Variants in FAM120C observed in about 807,000 individuals in gnomAD.
FAM120C encodes the protein family with sequence similarity 120 member C.
FAM120C carries 14 observed loss-of-function variants against 71.2 expected under a neutral mutation model. That is an observed-to-expected ratio of 0.20 (90% confidence interval 0.13 to 0.31). FAM120C has a LOEUF of 0.31. Among genes scored for constraint, FAM120C ranks in the 10% least tolerant of loss-of-function variants. The pLI, the probability that FAM120C is intolerant of heterozygous loss-of-function variation, is 1.00. For missense variants in FAM120C, 500 were observed against 879.0 expected, an observed-to-expected ratio of 0.57 and a Z score of 5.45; for synonymous variants, 354 against 353.2, an observed-to-expected ratio of 1.00 and a Z score of -0.03.
chrX:54,135,269 C>A (rs1326601505), intron 6 of FAM120C, among the ~76,000 whole-genome samples, 158 bp from the exon 7 acceptor site: 1 of 111,887 alleles, frequency 8.9e-6, no homozygotes, highest in Non-Finnish European at 1.9e-5. Flanking sequence ...TGAACAGAAT[C>A]CTCCACAGAC....
chrX:54,100,062 T>C (rs187405733), intron 10 of FAM120C, among the ~76,000 whole-genome samples: 22 of 112,324 alleles, frequency 2.0e-4, no homozygotes, highest in African/African-American at 6.5e-4. Flanking sequence ...ACAAGTTATC[T>C]ACTTCCAAGA....
intron 12 of FAM120C, among the ~76,000 whole-genome samples, chrX:54,086,533 C>T (rs1198580608): frequency 1.8e-5 from 2 of 111,028 alleles, no homozygotes; most frequent in Admixed American, 1.9e-4. Context: ...GCAGGTGGAT[C>T]ACCTGAGGTC....
intron 9 of FAM120C, among the ~76,000 whole-genome samples, chrX:54,127,232 C>T (rs1723594628): frequency 9.0e-6 from 1 of 110,899 alleles, no homozygotes; most frequent in Non-Finnish European, 1.9e-5. Context: ...AACACTCAAT[C>T]CATAACATAT....
chrX:54,107,232 G>A (rs1199305180), intron 10 of FAM120C, among the ~76,000 whole-genome samples: 1 of 109,321 alleles, frequency 9.1e-6, no homozygotes, highest in Non-Finnish European at 1.9e-5. Flanking sequence ...AAATAGCTGG[G>A]ACTAGAGGCG....
intron 10 of FAM120C, among the ~76,000 whole-genome samples, chrX:54,096,452 A>G (rs2146570838): frequency 8.9e-6 from 1 of 111,890 alleles, no homozygotes; most frequent in Admixed American, 9.6e-5. Context: ...TTGTAATCTT[A>G]CCATTTAGAT....
chrX:54,116,939 T>A, intron 9 of FAM120C, 145 bp from the exon 10 acceptor site: 2 of 681,234 alleles, frequency 2.9e-6, no homozygotes, highest in Non-Finnish European at 4.3e-6. Context: ...GCAGGAATAG[T>A]ACACGTTTAT....
intron 15 of FAM120C, 91 bp from the exon 16 acceptor site, chrX:54,073,378 C>A (rs139413316): frequency 1.8e-5 from 17 of 927,768 alleles, no homozygotes; most frequent in Admixed American, 1.4e-4. Flanking sequence ...GAGGAAGCGG[C>A]TTCAGTTCTT....
At chrX:54,143,135 G>T (rs782697406) in intron 4 of FAM120C, among the ~76,000 whole-genome samples, 60 of 111,432 alleles carry the variant, frequency 5.4e-4, no homozygotes, top group African/African-American at 1.7e-3. Context: ...ACACAGATGG[G>T]GAGAAACCAG....
At chrX:54,132,397 TG>T (rs2067072668) in intron 9 of FAM120C, among the ~76,000 whole-genome samples, 1 of 108,948 alleles carries the variant, frequency 9.2e-6, no homozygotes, top group Admixed American at 9.8e-5. Flanking sequence ...AGGCTGGTCT[TG>T]AATTCCTGAG....
At chrX:54,171,483 T>C (rs782795488) in intron 1 of FAM120C, 99 of 112,513 alleles carry the variant, frequency 8.8e-4, no homozygotes, top group African/African-American at 3.1e-3. Flanking sequence ...ATACTGGAGT[T>C]TACATTTTAC....
intron 4 of FAM120C, among the ~76,000 whole-genome samples, chrX:54,143,425 T>G (rs1409140253): frequency 9.0e-6 from 1 of 110,873 alleles, no homozygotes; most frequent in Non-Finnish European, 1.9e-5. Context: ...CTAGCAAGAC[T>G]AATAAAGAAG....
At chrX:54,075,698 C>T (rs1460551539) in intron 15 of FAM120C, among the ~76,000 whole-genome samples, 1 of 107,993 alleles carries the variant, frequency 9.3e-6, no homozygotes, top group Admixed American at 1.0e-4. Context: ...ACTCAGGAGG[C>T]TGAGGCAGGA....
intron 13 of FAM120C, among the ~76,000 whole-genome samples, chrX:54,084,866 A>G (rs2066786132): frequency 1.8e-5 from 2 of 110,926 alleles, no homozygotes; most frequent in Admixed American, 1.9e-4. Flanking sequence ...GTGTGTACAT[A>G]TGTGTGTGTG....
At chrX:54,150,415 T>C (rs1056572243) in intron 4 of FAM120C, among the ~76,000 whole-genome samples, 1 of 112,486 alleles carries the variant, frequency 8.9e-6, no homozygotes, top group Non-Finnish European at 1.9e-5. Context: ...TTTTACACTA[T>C]TGGAAAGCAG....
intron 15 of FAM120C, among the ~76,000 whole-genome samples, chrX:54,078,266 A>C (rs1043930650): frequency 9.1e-6 from 1 of 110,497 alleles, no homozygotes; most frequent in Non-Finnish European, 1.9e-5. Flanking sequence ...ATTGTACCAA[A>C]AGTATCAGGC....
rs1557120199 is a variant in FAM120C at position 54,072,702 on chromosome X, C to G, written c.*331G>C. The G allele has an allele frequency of 5.9e-6, 1 of 170,545 alleles. No homozygotes were observed. The allele number at this position is 170,545 out of a possible 1,213,427, so 14.1% of individuals were successfully genotyped here. ...CAAAGCTAGAGCTTTTCTATAGGAC[C>G]TTATGTGATGATACCCAATTTCTGA... is the stretch of plus-strand genomic sequence containing the variant. On this transcript the variant is annotated 3_prime_UTR_variant, in exon 16 of 16. Transcript: ENST00000375180.
chrX:54,135,094 G>C lies in FAM120C; in HGVS notation c.1353C>G (p.Pro451=). 8.4e-7 allele frequency: 1 copy of C among 1,193,073 alleles called. No individual in the cohort carries two copies. The change falls in exon 7 of 16, where the codon CCC becomes CCG. Residue 451 remains proline, a synonymous_variant. Coordinates refer to ENST00000375180, the MANE Select transcript of FAM120C (RefSeq NM_017848.6). ...AGKPMFSHQV[P]QKVKYPPPFP... ...ATGGTGGTGGATATTTCACTTTCTG[G>C]GGCACTTGATGAGAAAACTAAACGA... is the stretch of plus-strand genomic sequence containing the variant.
At chrX:54,090,993 T>C (rs782200609) in intron 11 of FAM120C, among the ~76,000 whole-genome samples, 7 of 111,880 alleles carry the variant, frequency 6.3e-5, no homozygotes, top group South Asian at 7.4e-4. Flanking sequence ...TCTGAGTAAA[T>C]AGACACAAGC....
Position 54,133,958 on chromosome X carries a change from C to G in FAM120C, c.1705G>C (p.Val569Leu). 1 of 1,211,857 alleles carries G rather than the reference C, an allele frequency of 8.3e-7. No individual in the cohort carries two copies. Among genetic ancestry groups the G allele is most frequent in the Non-Finnish European group, 1.1e-6 (1 of 895,511 alleles). ...CCATCACCTAGGCTCGCTTCTGAAA[C>G]TCCAGTATCAACAGGCTGTGCCCAG... is the stretch of plus-strand genomic sequence containing the variant. ...GSWAQPVDTG[V>L]SEASLGDGEP... Residue 569 changes from valine (V) to leucine (L), a missense_variant, in exon 8 of 16, where the codon GTT becomes CTT. This residue lies in a region of FAM120C where 85 missense variants were observed against 84.9 expected (regional missense o/e 1.00). Coordinates refer to ENST00000375180, the MANE Select transcript of FAM120C (RefSeq NM_017848.6).
Sources: allele counts gnomAD v4.1 joint callset (sites outside exome capture counted in the v4.1 genomes callset), GRCh38; gene constraint gnomAD v4.1.1; regional missense constraint gnomAD v4.1.1; transcripts MANE v1.5; gene names NCBI Gene and HGNC (gene_info 2026-07-23, HGNC 2026-07-21).